PTPRD: variants seen among roughly 807,000 people sequenced by gnomAD.
The protein encoded by PTPRD is receptor-type tyrosine-protein phosphatase delta.
Under a neutral mutation model 214.5 loss-of-function variants are expected in PTPRD, and 34 were observed. The observed-to-expected ratio is 0.16, with a 90% CI of 0.12 to 0.21. The LOEUF is 0.21. Ranked by LOEUF, PTPRD falls within the 10% of genes least tolerant of loss-of-function variation. PTPRD has a pLI of 1.00. For synonymous variants in PTPRD, 1,128 were observed against 845.7 expected, an observed-to-expected ratio of 1.33 and a Z score of -5.79; for missense variants, 2,545 against 2,398.7, an observed-to-expected ratio of 1.06 and a Z score of -1.27.
intron 7 of PTPRD, among the ~76,000 whole-genome samples, chr9:9,675,261 C>T (rs1308130457): frequency 6.6e-6 from 1 of 151,694 alleles, no homozygotes; most frequent in Admixed American, 6.6e-5. Context: ...TTGTTTGTAT[C>T]AAAATCTGTA....
intron 3 of PTPRD, among the ~76,000 whole-genome samples, chr9:10,293,685 A>G (rs10511541): frequency 0.03 from 4,523 of 151,814 alleles, 300 homozygotes; most frequent in Admixed American, 0.16. Context: ...TTATACATCC[A>G]TTTTCCAAAG....
chr9:9,419,042 G>GAACACAC (rs1471410429), intron 8 of PTPRD, among the ~76,000 whole-genome samples: 4 of 151,088 alleles, frequency 2.6e-5, no homozygotes, highest in Non-Finnish European at 4.4e-5. Context: ...AATTGAATGA[G>GAACACAC]AACACACATA....
chr9:9,973,728 A>T (rs1013370402), intron 4 of PTPRD, among the ~76,000 whole-genome samples: 1 of 152,194 alleles, frequency 6.6e-6, no homozygotes, highest in Non-Finnish European at 1.5e-5. Context: ...TGAGCTAAGA[A>T]AGGATATATT....
chr9:8,730,263 G>T (rs1234799791), intron 12 of PTPRD, among the ~76,000 whole-genome samples: 1 of 149,742 alleles, frequency 6.7e-6, no homozygotes, highest in African/African-American at 2.5e-5. Context: ...CTCAAAAAAA[G>T]AAAAAAAAAG....
intron 9 of PTPRD, among the ~76,000 whole-genome samples, chr9:9,393,274 T>C (rs1416834510): frequency 1.3e-5 from 2 of 152,136 alleles, no homozygotes; most frequent in Non-Finnish European, 2.9e-5. Flanking sequence ...GGTTTGTTCA[T>C]ATAACTTATT....
chr9:8,976,685 G>C (rs966548379), intron 11 of PTPRD, among the ~76,000 whole-genome samples: 4 of 151,964 alleles, frequency 2.6e-5, no homozygotes, highest in Admixed American at 2.0e-4. Context: ...GATAACATTT[G>C]ATTCATATTT....
At chr9:9,904,422 T>C (rs980105118) in intron 5 of PTPRD, among the ~76,000 whole-genome samples, 9 of 152,112 alleles carry the variant, frequency 5.9e-5, no homozygotes, top group African/African-American at 2.2e-4. Context: ...TTGAAATCTT[T>C]GTACTGTTAT....
At chr9:10,193,825 C>T (rs983241821) in intron 3 of PTPRD, among the ~76,000 whole-genome samples, 1 of 151,908 alleles carries the variant, frequency 6.6e-6, no homozygotes, top group African/African-American at 2.4e-5. Context: ...AATAACTTGG[C>T]ACTCATATGG....
intron 3 of PTPRD, among the ~76,000 whole-genome samples, chr9:10,120,229 T>C (rs921361884): frequency 5.0e-4 from 76 of 151,734 alleles, no homozygotes; most frequent in African/African-American, 1.8e-3. Flanking sequence ...ATATAATTTT[T>C]CCCACTAGTC....
intron 7 of PTPRD, among the ~76,000 whole-genome samples, chr9:9,664,392 T>C (rs1564405101): frequency 1.3e-5 from 2 of 151,656 alleles, no homozygotes; most frequent in Non-Finnish European, 1.5e-5. Context: ...ATCACTTCTC[T>C]TCTCATACAT....
intron 11 of PTPRD, among the ~76,000 whole-genome samples, chr9:8,831,496 T>A (rs939618299): frequency 6.6e-6 from 1 of 152,156 alleles, no homozygotes; most frequent in Non-Finnish European, 1.5e-5. Context: ...TTATACAGTC[T>A]ACATACAATT....
intron 4 of PTPRD, among the ~76,000 whole-genome samples, chr9:9,980,380 G>C (rs1331502677): frequency 6.6e-6 from 1 of 151,800 alleles, no homozygotes; most frequent in East Asian, 1.9e-4. Context: ...GGCCGAGGTG[G>C]GCGGATCACC....
intron 11 of PTPRD, among the ~76,000 whole-genome samples, chr9:8,750,943 C>T (rs1431401243): frequency 6.6e-6 from 1 of 152,178 alleles, no homozygotes; most frequent in Non-Finnish European, 1.5e-5. Context: ...CCTCCCCCGA[C>T]TGCCCTCCCT....
At chr9:9,045,213 C>T (rs775188534) in intron 10 of PTPRD, among the ~76,000 whole-genome samples, 9 of 152,070 alleles carry the variant, frequency 5.9e-5, no homozygotes, top group African/African-American at 9.7e-5. Context: ...AGGAAGGTGA[C>T]GTTATGAATG....
At chr9:10,532,443 A>AATAT (rs539075194) in intron 2 of PTPRD, 2 of 102,990 alleles carry the variant, frequency 1.9e-5, no homozygotes, top group African/African-American at 2.8e-5. Context: ...GTGTTCCTAA[A>AATAT]ATAAATAAAT....
chr9:9,641,389 C>T (rs1461140893), intron 7 of PTPRD, among the ~76,000 whole-genome samples: 2 of 152,080 alleles, frequency 1.3e-5, no homozygotes, highest in Non-Finnish European at 2.9e-5. Flanking sequence ...ATTAGGTTTC[C>T]ACATCCCTTT....
At chr9:8,789,903 T>TA (rs1327453102) in intron 11 of PTPRD, among the ~76,000 whole-genome samples, 2 of 152,318 alleles carry the variant, frequency 1.3e-5, no homozygotes, top group African/African-American at 4.8e-5. Context: ...AAGCAGTTCT[T>TA]AAACAAGACA....
intron 9 of PTPRD, among the ~76,000 whole-genome samples, chr9:9,396,612 C>G (rs1249999039): frequency 6.6e-6 from 1 of 151,888 alleles, no homozygotes; most frequent in African/African-American, 2.4e-5. Context: ...AACCAGCTCC[C>G]ACTCTGGCCA....
At chr9:8,672,202 C>T (rs148820350) in intron 12 of PTPRD, among the ~76,000 whole-genome samples, 2 of 152,198 alleles carry the variant, frequency 1.3e-5, no homozygotes, top group African/African-American at 4.8e-5. Flanking sequence ...ACCTCTAGAT[C>T]TTCTTAAATC....
Sources: gnomAD v4.1 joint callset for allele counts (sites outside exome capture counted in the v4.1 genomes callset) on GRCh38, gnomAD v4.1.1 for gene constraint, MANE v1.5 for transcripts, NCBI Gene and HGNC (gene_info 2026-07-23, HGNC 2026-07-21) for gene names.